PDE4D: variants seen among roughly 807,000 people sequenced by gnomAD.
The protein encoded by PDE4D is 3',5'-cyclic-AMP phosphodiesterase 4D.
PDE4D carries 24 observed loss-of-function variants against 87.4 expected under a neutral mutation model. That is an observed-to-expected ratio of 0.27 (90% confidence interval 0.20 to 0.39). PDE4D has a LOEUF of 0.39. PDE4D is among the 10% of genes least tolerant of loss of function. The pLI, the probability that PDE4D is intolerant of heterozygous loss-of-function variation, is 1.00. For synonymous variants in PDE4D, 384 were observed against 383.2 expected, an observed-to-expected ratio of 1.00 and a Z score of -0.02; for missense variants, 714 against 1,041.0, an observed-to-expected ratio of 0.69 and a Z score of 4.32.
intron 2 of PDE4D, among the ~76,000 whole-genome samples, chr5:60,123,995 C>A (rs1273417955): frequency 1.3e-5 from 2 of 152,022 alleles, no homozygotes; most frequent in African/African-American, 4.8e-5. Flanking sequence ...CAAATGGTCG[C>A]ATTTTCAAAT....
intron 1 of PDE4D, among the ~76,000 whole-genome samples, chr5:60,211,444 A>G (rs1382738852): frequency 6.7e-6 from 1 of 150,064 alleles, no homozygotes; most frequent in East Asian, 1.9e-4. Flanking sequence ...TACTTGCTTT[A>G]AGAATCTTGG....
At position 58,975,893 on chromosome 5, in the gene PDE4D, A is replaced by AC. The variant is rs1397843934; in HGVS notation, c.1831-55_1831-54insG. The AC allele has an allele frequency of 1.6e-6, 2 of 1,258,880 alleles. No homozygotes were observed. The highest frequency in any genetic ancestry group is 2.1e-6 in the Non-Finnish European group (2 of 945,138). 78.0% of individuals were successfully genotyped at this position (1,258,880 alleles called of 1,614,324 possible). On this transcript the variant is annotated intron_variant, in intron 13 of 14. Transcript: ENST00000340635. This position sits in a 1 kb window ranked among gnomAD's most constrained non-coding sequence, Gnocchi z 4.2. ...ACTCCTGTTCCTTTTTTTTAAAAAA[A>AC]AAAACAAAAAAAACTAGAAATTCAC... is the stretch of plus-strand genomic sequence containing the variant.
intron 1 of PDE4D, among the ~76,000 whole-genome samples, chr5:59,401,573 C>G (rs1023519071): frequency 2.0e-5 from 3 of 151,992 alleles, no homozygotes; most frequent in Admixed American, 2.0e-4. Flanking sequence ...GAGAGATGAG[C>G]TTTATACTGG....
chr5:59,507,664 C>CAAAAAAAAAAAAAAAAAAAAAA (rs1284106865), intron 1 of PDE4D, among the ~76,000 whole-genome samples: 1 of 79,828 alleles, frequency 1.3e-5, no homozygotes, highest in African/African-American at 5.2e-5. Context: ...TACCCTGTCT[C>CAAAAAAAAAAAAAAAAAAAAAA]AAAAAAAAAA....
intron 1 of PDE4D, among the ~76,000 whole-genome samples, chr5:59,348,587 A>G (rs1019963782): frequency 2.7e-5 from 4 of 148,540 alleles, no homozygotes; most frequent in Admixed American, 6.7e-5. Context: ...CTTTAGCTCA[A>G]CACAAAGCTT....
rs1254940874 is a variant in PDE4D, at chr5:59,330,884, C to G, written c.456-114916G>C. 2.0e-5 allele frequency among the ~76,000 whole-genome samples: 3 copies of G among 152,138 alleles called. No individual in the cohort carries two copies. In the South Asian group the frequency reaches 6.2e-4, roughly 31 times the overall value. ...CATTCCTGCCTTCGTGTCTGACACA[C>G]ATTTCTGACATCGTGATGGATGCCT... On this transcript the variant is annotated intron_variant, in intron 1 of 14. Coordinates refer to ENST00000340635, the MANE Select transcript of PDE4D (RefSeq NM_001104631.2).
At chr5:58,984,697 G>T (rs9292182) in intron 11 of PDE4D, among the ~76,000 whole-genome samples, 24,044 of 152,016 alleles carry the variant, frequency 0.16, 2,027 homozygotes, top group Admixed American at 0.19. Context: ...ACCAAAAACC[G>T]CATGCTTTGA....
intron 1 of PDE4D, among the ~76,000 whole-genome samples, chr5:59,305,266 A>G (rs530684037): frequency 6.6e-6 from 1 of 152,018 alleles, no homozygotes; most frequent in African/African-American, 2.4e-5. Context: ...TAGTGAAGTT[A>G]TTTGGATTTT....
At position 58,973,655 on chromosome 5, in the gene PDE4D, G is replaced by A. The variant is rs1051123488; in HGVS notation, c.*1009C>T. On this transcript the variant is annotated 3_prime_UTR_variant, in exon 15 of 15. Coordinates refer to ENST00000340635, the MANE Select transcript of PDE4D (RefSeq NM_001104631.2). ...GAACTGATGACTGAGTTTGCATGAA[G>A]CTTAAGACACATTTGATATAACACA... 1.3e-5 allele frequency: 2 copies of A among 152,568 alleles called. No homozygotes were observed. Among genetic ancestry groups the A allele is most frequent in the Admixed American group, 6.6e-5 (1 of 15,264 alleles). The allele number at this position is 152,568 out of a possible 1,614,324, so 9.5% of individuals were successfully genotyped here.
At chr5:60,003,409 G>T (rs1764178299) in intron 2 of PDE4D, among the ~76,000 whole-genome samples, 1 of 151,944 alleles carries the variant, frequency 6.6e-6, no homozygotes, top group Non-Finnish European at 1.5e-5. Flanking sequence ...AATACCCAAA[G>T]CAGTCCTAAG....
intron 2 of PDE4D, among the ~76,000 whole-genome samples, chr5:60,109,267 C>G (rs1418723820): frequency 1.3e-5 from 2 of 152,150 alleles, no homozygotes; most frequent in African/African-American, 4.8e-5. Flanking sequence ...AAAATGCTCA[C>G]CATCACTGGC....
At chr5:59,248,621 T>C (rs1218203409) in intron 1 of PDE4D, among the ~76,000 whole-genome samples, 1 of 152,200 alleles carries the variant, frequency 6.6e-6, no homozygotes, top group African/African-American at 2.4e-5. Context: ...ATCATTGTTA[T>C]AGTTGTAATG....
chr5:59,719,409 A>G (rs1005797700), intron 1 of PDE4D, among the ~76,000 whole-genome samples: 58 of 152,208 alleles, frequency 3.8e-4, no homozygotes, highest in Non-Finnish European at 7.3e-5. Context: ...ATAGTAAAAT[A>G]TAATGAAGTA....
At chr5:59,244,641 C>CAT (rs985229806) in intron 1 of PDE4D, among the ~76,000 whole-genome samples, 1 of 127,710 alleles carries the variant, frequency 7.8e-6, no homozygotes, top group Non-Finnish European at 1.6e-5. Flanking sequence ...TACATATATA[C>CAT]ATATATATGT....
intron 2 of PDE4D, among the ~76,000 whole-genome samples, chr5:60,040,665 T>C (rs1768374798): frequency 6.6e-6 from 1 of 152,206 alleles, no homozygotes; most frequent in Non-Finnish European, 1.5e-5. Flanking sequence ...GTACTATACA[T>C]ACAGTTAATA....
intron 2 of PDE4D, among the ~76,000 whole-genome samples, chr5:60,104,183 A>G (rs1776572478): frequency 6.6e-6 from 1 of 152,246 alleles, no homozygotes. Flanking sequence ...CCACGGGCTA[A>G]AAAAACGGCA....
At chr5:59,542,299 G>A (rs981185092) in intron 1 of PDE4D, among the ~76,000 whole-genome samples, 1 of 152,090 alleles carries the variant, frequency 6.6e-6, no homozygotes, top group Non-Finnish European at 1.5e-5. Flanking sequence ...AGGGCTGAGC[G>A]TATAATAATG....
At chr5:60,057,744 T>G (rs1227777921) in intron 2 of PDE4D, among the ~76,000 whole-genome samples, 1 of 151,956 alleles carries the variant, frequency 6.6e-6, no homozygotes, top group Non-Finnish European at 1.5e-5. Flanking sequence ...TAATGTAGAG[T>G]ATATTGAAAT....
chr5:60,327,281 G>C (rs572889113), intron 1 of PDE4D, among the ~76,000 whole-genome samples: 1 of 152,286 alleles, frequency 6.6e-6, no homozygotes, highest in East Asian at 1.9e-4. Flanking sequence ...ACTAAATTAC[G>C]TGTGAAGACT....
Sources: gnomAD v4.1 joint callset for allele counts (sites outside exome capture counted in the v4.1 genomes callset) on GRCh38, gnomAD v4.1.1 for gene constraint, Gnocchi (gnomAD v3.1) non-coding constraint, MANE v1.5 for transcripts, NCBI Gene and HGNC (gene_info 2026-07-23, HGNC 2026-07-21) for gene names.